The following AASDH variants were observed in gnomAD, a reference collection of about 807,000 sequenced individuals.
The protein encoded by AASDH is aminoadipate-semialdehyde dehydrogenase, also known as beta-alanine-activating enzyme.
In AASDH, 81 loss-of-function variants were observed where a neutral mutation model predicts 102.3. That is an observed-to-expected ratio of 0.79 (90% CI 0.66 to 0.95). AASDH has a LOEUF of 0.95. Among genes scored for constraint, AASDH ranks in the 40% least tolerant of loss-of-function variants. The pLI, the probability that AASDH is intolerant of heterozygous loss-of-function variation, is 0.00. For synonymous variants in AASDH, 398 were observed against 454.0 expected (o/e 0.88, Z 1.57); for missense variants, 1,203 against 1,266.2 (o/e 0.95, Z 0.76).
Position 56,355,397 on chromosome 4 carries a change from A to G in AASDH, c.888T>C (p.Phe296=), listed in dbSNP as rs754523915. The change falls in exon 6 of 15, where the codon TTT becomes TTC. Residue 296 remains phenylalanine, a synonymous_variant. Coordinates refer to ENST00000205214, the MANE Select transcript of AASDH (RefSeq NM_181806.4). ...LQATPTLLRR[F]GSQLIKSTVL... The stretch of plus-strand genomic sequence containing the variant: ...CAGTTGACTTGATAAGCTGAGATCC[A>G]AATCTTCTAAGCAATGTTGGTGTTG... 3 of 1,613,910 alleles carry G rather than the reference A, an allele frequency of 1.9e-6. No individual in the cohort carries two copies. The highest frequency in any genetic ancestry group is 2.5e-6 in the Non-Finnish European group (3 of 1,179,808).
At chr4:56,387,139 T>C (rs1484797492) in intron 1 of AASDH, among the ~76,000 whole-genome samples, 3 of 152,196 alleles carry the variant, frequency 2.0e-5, no homozygotes, top group African/African-American at 7.2e-5. Context: ...AGCACACTTA[T>C]TTCCATTTGA....
chr4:56,338,898 T>A, intron 14 of AASDH, 107 bp from the exon 15 acceptor site: 1 of 1,132,358 alleles, frequency 8.8e-7, no homozygotes. Context: ...ATAGGCTATT[T>A]GAATGGTAAC....
intron 3 of AASDH, among the ~76,000 whole-genome samples, chr4:56,380,351 T>C (rs1407280441): frequency 6.6e-6 from 1 of 152,182 alleles, no homozygotes; most frequent in East Asian, 1.9e-4. Flanking sequence ...CAACAACAGC[T>C]TAATGAAATA....
intron 1 of AASDH, among the ~76,000 whole-genome samples, chr4:56,385,938 TTTTTAA>T (rs896769981): frequency 7.2e-5 from 11 of 152,024 alleles, no homozygotes; most frequent in Admixed American, 3.3e-4. Context: ...TCTTTTTTTT[TTTTTAA>T]TTTATTCACA....
At chr4:56,360,679 CT>C (rs1238264186) in intron 5 of AASDH, among the ~76,000 whole-genome samples, 2 of 151,964 alleles carry the variant, frequency 1.3e-5, no homozygotes, top group African/African-American at 4.8e-5. Flanking sequence ...ATCTGTTAAT[CT>C]CTTCACTTGG....
intron 5 of AASDH, chr4:56,356,992 A>G: frequency 2.5e-6 from 1 of 403,920 alleles, no homozygotes; most frequent in Non-Finnish European, 4.5e-6. Flanking sequence ...TTTTCCTTTA[A>G]AAATGTGCCT....
In AASDH at chr4:56,351,326, A is replaced by G. The variant is rs760488890; in HGVS notation, c.1692+16T>C. ...GACCTCTTTATAATAATAATTTTAT[A>G]ACTTAAAAATTGTACCTTCCACAAA... On this transcript the variant is annotated intron_variant, in intron 10 of 14. Coordinates refer to ENST00000205214, the MANE Select transcript of AASDH (RefSeq NM_181806.4). 7 of 1,444,648 alleles carry G rather than the reference A, an allele frequency of 4.8e-6. No homozygotes were observed. Among genetic ancestry groups the G allele is most frequent in the South Asian group, 1.2e-5 (1 of 82,932 alleles). 89.5% of individuals were successfully genotyped at this position (1,444,648 alleles called of 1,614,324 possible).
intron 5 of AASDH, among the ~76,000 whole-genome samples, chr4:56,358,244 C>T (rs1018769839): frequency 6.6e-6 from 1 of 151,798 alleles, no homozygotes; most frequent in Non-Finnish European, 1.5e-5. Flanking sequence ...TCCTCCTCAC[C>T]AGCCCCACCC....
At position 56,380,812 on chromosome 4, in the gene AASDH, G is replaced by A. The variant is rs541133550; in HGVS notation, c.351+1665C>T. Among the ~76,000 whole-genome samples, 10 of 152,196 alleles carry A rather than the reference G, an allele frequency of 6.6e-5. No homozygotes were observed. The East Asian group carries it at 9.7e-4, about 15-fold the overall frequency. On this transcript the variant is annotated intron_variant, in intron 3 of 14. Coordinates refer to ENST00000205214, the MANE Select transcript of AASDH (RefSeq NM_181806.4). ...ACACTGTAGGATTTTTAGCAGTATC[G>A]CTGGCCTCTACCCACCAGATGCCAG... is the stretch of plus-strand genomic sequence containing the variant.
chr4:56,366,309 C>G (rs1193326492), intron 5 of AASDH, among the ~76,000 whole-genome samples: 1 of 152,162 alleles, frequency 6.6e-6, no homozygotes, highest in Non-Finnish European at 1.5e-5. Context: ...GAGCTGGTAC[C>G]ATTCCTTCTC....
At chr4:56,370,583 C>T (rs975883708) in intron 5 of AASDH, among the ~76,000 whole-genome samples, 2 of 152,058 alleles carry the variant, frequency 1.3e-5, no homozygotes, top group Admixed American at 6.5e-5. Flanking sequence ...AGACCGCAGT[C>T]TAATGAATCA....
intron 4 of AASDH, among the ~76,000 whole-genome samples, chr4:56,374,099 G>C (rs936204423): frequency 2.0e-5 from 3 of 152,070 alleles, no homozygotes; most frequent in Non-Finnish European, 4.4e-5. Context: ...GACATTTGAG[G>C]CTGGGCGCGG....
intron 12 of AASDH, 66 bp downstream of exon 12, chr4:56,345,061 C>T (rs1748167058): frequency 6.4e-7 from 1 of 1,553,196 alleles, no homozygotes; most frequent in Non-Finnish European, 8.8e-7. Context: ...CCCACCTCAG[C>T]CTCTGGAGTA....
chr4:56,370,181 G>C (rs150881134), intron 5 of AASDH, among the ~76,000 whole-genome samples: 2,427 of 151,662 alleles, frequency 0.016, 77 homozygotes, highest in African/African-American at 0.055. Context: ...TAGCCAACAT[G>C]GTGAAACCCT....
In AASDH at chr4:56,356,168, G is replaced by A. The variant is rs1158090766; in HGVS notation, c.862-745C>T. ...AGGAAAGGCCAAGGGAAAGAAGGTG[G>A]CTCTGGCCCCTGCTGTTGTGAAGAA... On this transcript the variant is annotated intron_variant, in intron 5 of 14. Transcript: ENST00000205214. 4 of 702,760 alleles carry A rather than the reference G, an allele frequency of 5.7e-6. No homozygotes were observed. In the African/African-American group the frequency reaches 7.1e-5, roughly 12 times the overall value. The allele number at this position is 702,760 out of a possible 1,614,324, so 43.5% of individuals were successfully genotyped here.
At chr4:56,382,709 T>C in intron 2 of AASDH, 112 bp from the exon 3 acceptor site, 1 of 1,239,596 alleles carries the variant, frequency 8.1e-7, no homozygotes. Context: ...ATAAAAATGG[T>C]TTCCGGAGCA....
At chr4:56,382,926 G>A (rs1983378) in intron 2 of AASDH, among the ~76,000 whole-genome samples, 26,189 of 152,084 alleles carry the variant, frequency 0.17, 2,632 homozygotes, top group Admixed American at 0.31. Context: ...AAAATCAGCC[G>A]GGCGTCTGCA....
intron 5 of AASDH, among the ~76,000 whole-genome samples, chr4:56,362,398 G>A (rs1328327485): frequency 6.6e-6 from 1 of 152,128 alleles, no homozygotes; most frequent in Non-Finnish European, 1.5e-5. Context: ...CTGAGTAGCT[G>A]GGATTACAGG....
chr4:56,378,557 G>C, intron 3 of AASDH, 93 bp from the exon 4 acceptor site: 1 of 1,090,450 alleles, frequency 9.2e-7, no homozygotes, highest in Non-Finnish European at 1.3e-6. Context: ...TCATCCCTCA[G>C]TATCCTTGGG....
Sources: allele counts gnomAD v4.1 joint callset (sites outside exome capture counted in the v4.1 genomes callset), GRCh38; gene constraint gnomAD v4.1.1; transcripts MANE v1.5; gene names NCBI Gene and HGNC (gene_info 2026-07-23, HGNC 2026-07-21).